TLE1: variants seen among roughly 807,000 people sequenced by gnomAD.
The protein encoded by TLE1 is TLE family member 1, transcriptional corepressor, also known as transducin-like enhancer protein 1.
Under a neutral mutation model 89.8 loss-of-function variants are expected in TLE1, and 21 were observed. The observed-to-expected ratio is 0.23, with a 90% CI of 0.17 to 0.34. The LOEUF (loss-of-function observed/expected upper bound fraction) is 0.34, where lower values mean the gene tolerates loss of function less well. Among genes scored for constraint, TLE1 ranks in the 10% least tolerant of loss-of-function variants. The pLI is 1.00. For synonymous variants in TLE1, 447 were observed against 407.6 expected (o/e 1.10, Z -1.16); for missense variants, 795 against 1,031.2 (o/e 0.77, Z 3.14).
chr9:81,667,722 C>A (rs375045790), intron 4 of TLE1, among the ~76,000 whole-genome samples: 5 of 152,160 alleles, frequency 3.3e-5, no homozygotes, highest in Admixed American at 6.5e-5. Context: ...CCTGCTCCCC[C>A]CCAAGCTGAG....
chr9:81,663,187 A>G (rs1831034400), intron 4 of TLE1, among the ~76,000 whole-genome samples: 1 of 152,138 alleles, frequency 6.6e-6, no homozygotes, highest in African/African-American at 2.4e-5. Context: ...GAAGGGAGAT[A>G]AGCGCCGTCA....
At chr9:81,586,861 T>G (rs1828544701) in intron 17 of TLE1, among the ~76,000 whole-genome samples, 1 of 151,992 alleles carries the variant, frequency 6.6e-6, no homozygotes, top group Non-Finnish European at 1.5e-5. Flanking sequence ...TCTAAGAAAC[T>G]CAACAAAATG....
At chr9:81,665,861 CATTTT>C (rs1831399401) in intron 4 of TLE1, among the ~76,000 whole-genome samples, 1 of 55,160 alleles carries the variant, frequency 1.8e-5, no homozygotes. Flanking sequence ...GGGCTGCCCT[CATTTT>C]TTTTTTTTTA....
chr9:81,620,383 G>T, intron 9 of TLE1, 58 bp downstream of exon 9: 1 of 1,264,328 alleles, frequency 7.9e-7, no homozygotes, highest in Non-Finnish European at 1.1e-6. Context: ...GAATATACTT[G>T]GATACTCAGG....
chr9:81,670,360 C>T (rs765597716), intron 4 of TLE1, among the ~76,000 whole-genome samples: 1 of 152,092 alleles, frequency 6.6e-6, no homozygotes, highest in Non-Finnish European at 1.5e-5. Flanking sequence ...GAGTCTGGGT[C>T]TGTCGCCCAG....
At position 81,611,802 on chromosome 9, in the gene TLE1, C is replaced by CGCGGCGGCT. The variant is rs542992333; in HGVS notation, c.1212_1220dup (p.Ala407_Ala409dup). The CGCGGCGGCT allele has an allele frequency of 1.3e-5, 20 of 1,547,880 alleles. No individual in the cohort carries two copies. Among genetic ancestry groups the CGCGGCGGCT allele is most frequent in the African/African-American group, 2.9e-5 (2 of 70,030 alleles). ...AGCGCCCGTAGGCCACCACGGCGGC[C>CGCGGCGGCT]GCGGCGGCTGCGGCGCTCATCTGGG... On this transcript the variant is annotated inframe_insertion, in exon 13 of 20. Coordinates refer to ENST00000376499, the MANE Select transcript of TLE1 (RefSeq NM_005077.5).
rs369047659 is a variant in TLE1 at position 81,626,344 on chromosome 9, C to T, written c.595-5787G>A. ...GAACATTAAAACAATTAGGTAACGA[C>T]GCACCCCATCACATCTGTGTGCCTT... On this transcript the variant is annotated intron_variant, in intron 8 of 19. Coordinates refer to ENST00000376499, the MANE Select transcript of TLE1 (RefSeq NM_005077.5). Among the ~76,000 whole-genome samples, 244 of 152,236 alleles carry T rather than the reference C, an allele frequency of 1.6e-3. 1 individual carries two copies. Among genetic ancestry groups the T allele is most frequent in the African/African-American group, 4.9e-3 (204 of 41,542 alleles).
intron 4 of TLE1, among the ~76,000 whole-genome samples, chr9:81,668,132 T>TA (rs1831730144): frequency 6.6e-6 from 1 of 150,598 alleles, no homozygotes; most frequent in Admixed American, 6.6e-5. Context: ...GCCACTGCAC[T>TA]CCAGCAGCCT....
intron 16 of TLE1, 47 bp from the exon 17 acceptor site, chr9:81,587,875 A>T: frequency 6.8e-7 from 1 of 1,481,126 alleles, no homozygotes. Context: ...CCAGAGCTCA[A>T]GGTAAACACT....
intron 4 of TLE1, among the ~76,000 whole-genome samples, chr9:81,669,999 TTTAAGA>T (rs1832010744): frequency 6.6e-6 from 1 of 152,210 alleles, no homozygotes; most frequent in Non-Finnish European, 1.5e-5. Context: ...CCAGACGGGC[TTTAAGA>T]TTATTTTATT....
At chr9:81,644,009 T>G (rs1828503237) in intron 6 of TLE1, among the ~76,000 whole-genome samples, 1 of 152,136 alleles carries the variant, frequency 6.6e-6, no homozygotes, top group African/African-American at 2.4e-5. Flanking sequence ...TTCAACATCA[T>G]CAGCCATCAG....
chr9:81,614,534 G>A (rs1366825256), intron 11 of TLE1, among the ~76,000 whole-genome samples: 1 of 152,144 alleles, frequency 6.6e-6, no homozygotes, highest in Non-Finnish European at 1.5e-5. Flanking sequence ...GTGGCAAAGA[G>A]CACGGGCTAA....
chr9:81,652,588 T>C (rs1384647310), intron 5 of TLE1, among the ~76,000 whole-genome samples: 2 of 152,022 alleles, frequency 1.3e-5, no homozygotes, highest in Non-Finnish European at 2.9e-5. Context: ...AAAAAATAAA[T>C]AGAACAGAAT....
intron 4 of TLE1, among the ~76,000 whole-genome samples, chr9:81,675,708 G>GTTTTGTTTTGTTTT (rs1832807105): frequency 6.0e-5 from 8 of 132,454 alleles, no homozygotes; most frequent in African/African-American, 2.1e-4. Context: ...GTTTTTTTTT[G>GTTTTGTTTTGTTTT]TTTTTTTTTT....
At chr9:81,591,797 G>C (rs1015652551) in intron 15 of TLE1, among the ~76,000 whole-genome samples, 4 of 152,116 alleles carry the variant, frequency 2.6e-5, no homozygotes, top group Admixed American at 1.3e-4. Context: ...CATGAATGAA[G>C]ACATTTTGAA....
intron 6 of TLE1, among the ~76,000 whole-genome samples, chr9:81,638,916 C>T (rs1005126673): frequency 6.6e-6 from 1 of 151,514 alleles, no homozygotes; most frequent in Admixed American, 6.6e-5. Flanking sequence ...TGCGCCACCA[C>T]ACCAGCCGAT....
rs1158922331 is a variant in TLE1 at position 81,620,490 on chromosome 9, G to A, written c.662C>T (p.Ser221Phe). Residue 221 changes from serine (S) to phenylalanine (F), a missense_variant, in exon 9 of 20, where the codon TCC (serine) becomes TTC (phenylalanine). Transcript: ENST00000376499. ...CACCTTCCTTTTCTTGATGTCATTG[G>A]AAAATTCAGGTCCATTTCTGCGTTT... ...TDKRRNGPEF[S>F]NDIKKRKVDD... is the part of the protein sequence containing the mutation. 17 of 1,613,990 alleles carry A rather than the reference G, an allele frequency of 1.1e-5. No homozygotes were observed. Among genetic ancestry groups the A allele is most frequent in the Non-Finnish European group, 1.4e-5 (16 of 1,179,980 alleles).
At chr9:81,640,264 T>G (rs1827939295) in intron 6 of TLE1, among the ~76,000 whole-genome samples, 1 of 152,152 alleles carries the variant, frequency 6.6e-6, no homozygotes, top group African/African-American at 2.4e-5. Context: ...AAATTCTTGT[T>G]TAAAAAATAA....
intron 11 of TLE1, among the ~76,000 whole-genome samples, chr9:81,615,723 AAAAAAAG>A (rs1824413322): frequency 6.6e-6 from 1 of 151,128 alleles, no homozygotes; most frequent in Admixed American, 6.6e-5. Context: ...AAAAAAAAAA[AAAAAAAG>A]AAGAAGAAGA....
Sources: gnomAD v4.1 joint callset for allele counts (sites outside exome capture counted in the v4.1 genomes callset) on GRCh38, gnomAD v4.1.1 for gene constraint, MANE v1.5 for transcripts, NCBI Gene and HGNC (gene_info 2026-07-23, HGNC 2026-07-21) for gene names.